Variants in KCNQ1 observed in about 807,000 individuals in gnomAD.
KCNQ1 encodes potassium voltage-gated channel subfamily Q member 1, also known as potassium voltage-gated channel subfamily KQT member 1.
Under a neutral mutation model 72.4 loss-of-function variants are expected in KCNQ1, and 49 were observed. That is an observed-to-expected ratio of 0.68 (90% CI 0.54 to 0.86). The LOEUF (loss-of-function observed/expected upper bound fraction) is 0.86. KCNQ1 is among the 40% of genes least tolerant of loss of function. The probability of loss-of-function intolerance (pLI) is 0.00; values close to 1 mark genes in which losing one functional copy is unlikely to be tolerated. For synonymous variants in KCNQ1, 450 were observed against 412.6 expected, an observed-to-expected ratio of 1.09 and a Z score of -1.10; for missense variants, 790 against 945.1, an observed-to-expected ratio of 0.84 and a Z score of 2.15.
rs377701128 is a variant in KCNQ1 at position 2,483,414 on chromosome 11, C to G, written c.386+37930C>G. ...CATCTTAATAACGGGGTGTATTGACCAAAACCGACACCTGATACATTACCG... is the reference window on the plus strand; with the variant it reads ...CATCTTAATAACGGGGTGTATTGACGAAAACCGACACCTGATACATTACCG... On this transcript the variant is annotated intron_variant, in intron 1 of 15. Transcript: ENST00000155840. The surrounding 1 kb of genome is among the most constrained non-coding windows in gnomAD (Gnocchi z 6.1). Among the ~76,000 whole-genome samples the G allele has an allele frequency of 6.6e-6, 1 of 152,082 alleles. No homozygotes were observed. The highest frequency in any genetic ancestry group is 1.5e-5 in the Non-Finnish European group (1 of 68,016).
rs893618606 is a variant in KCNQ1 at position 2,463,829 on chromosome 11, G to A, written c.386+18345G>A. ...CGGATGGCCCGGCCCCCGCTACCAC[G>A]TGGAGGCTCCCTGTAGGTGCTTGTG... is the stretch of plus-strand genomic sequence containing the variant. On this transcript the variant is annotated intron_variant, in intron 1 of 15. Transcript: ENST00000155840. This position sits in a 1 kb window ranked among gnomAD's most constrained non-coding sequence, Gnocchi z 7.0. 2.0e-5 allele frequency among the ~76,000 whole-genome samples: 3 copies of A among 152,232 alleles called. No homozygotes were observed. The highest frequency in any genetic ancestry group is 2.9e-5 in the Non-Finnish European group (2 of 68,038).
chr11:2,721,893 C>T (rs919335504), intron 11 of KCNQ1, among the ~76,000 whole-genome samples: 4 of 152,340 alleles, frequency 2.6e-5, no homozygotes, highest in Admixed American at 6.5e-5. Context: ...TGCAGGGAGA[C>T]CCCACCGTGG....
intron 1 of KCNQ1, among the ~76,000 whole-genome samples, chr11:2,502,220 A>G (rs142914590): frequency 0.019 from 2,941 of 152,286 alleles, 45 homozygotes; most frequent in South Asian, 0.054. Flanking sequence ...AGAAGAAAAT[A>G]AAGGGCATCC....
intron 11 of KCNQ1, among the ~76,000 whole-genome samples, chr11:2,736,035 G>A (rs1259447257): frequency 2.0e-5 from 3 of 152,180 alleles, no homozygotes; most frequent in African/African-American, 2.4e-5. Flanking sequence ...GGGCTCCTTG[G>A]CCCTCCAGTA....
Position 2,478,267 on chromosome 11 carries a change from G to C in KCNQ1, c.386+32783G>C, listed in dbSNP as rs1206035869. On this transcript the variant is annotated intron_variant, in intron 1 of 15. Transcript: ENST00000155840. This position sits in a 1 kb window ranked among gnomAD's most constrained non-coding sequence, Gnocchi z 4.0. ...GAAGGCTAAATAAAGTACCGTTCAG[G>C]GTGAAGGGGAAGGAAGAAATGTGAT... Among the ~76,000 whole-genome samples the C allele has an allele frequency of 6.6e-6, 1 of 152,194 alleles. No individual in the cohort carries two copies. Among genetic ancestry groups the C allele is most frequent in the Non-Finnish European group, 1.5e-5 (1 of 68,042 alleles).
At chr11:2,732,131 G>A (rs2283217) in intron 11 of KCNQ1, among the ~76,000 whole-genome samples, 22 of 151,786 alleles carry the variant, frequency 1.4e-4, no homozygotes, top group East Asian at 1.9e-4. Context: ...GGCCTCTGTC[G>A]ACTCCATTTG....
rs1564813056 is a variant in KCNQ1, at chr11:2,547,964, CA to C, written c.477+19947del. 6.6e-6 allele frequency among the ~76,000 whole-genome samples: 1 copy of C among 152,152 alleles called. No homozygotes were observed. Among genetic ancestry groups the C allele is most frequent in the East Asian group, 1.9e-4 (1 of 5,194 alleles). ...GTGAGGAGCCTGTAGCATTCAGAGACAGGGGAGCAGGGAGCGGTGGGGGATG... is the reference window on the plus strand; with the variant it reads ...GTGAGGAGCCTGTAGCATTCAGAGACGGGGAGCAGGGAGCGGTGGGGGATG... On this transcript the variant is annotated intron_variant, in intron 2 of 15. Transcript: ENST00000155840. This position sits in a 1 kb window ranked among gnomAD's most constrained non-coding sequence, Gnocchi z 4.2.
intron 2 of KCNQ1, among the ~76,000 whole-genome samples, chr11:2,561,560 C>T (rs1007202705): frequency 6.6e-6 from 1 of 152,242 alleles, no homozygotes; most frequent in Non-Finnish European, 1.5e-5. Flanking sequence ...CCCCATTTTA[C>T]AGGTGTGGAT....
rs1229070850 is a variant in KCNQ1, at chr11:2,724,422, C to T, written c.1515-44422C>T. ...TCCCTGTCCCGCCAGCCCTAGGCCT[C>T]GAACCCTCCCTGGCAAGCTAACACT... On this transcript the variant is annotated intron_variant, in intron 11 of 15. Transcript: ENST00000155840. This position sits in a 1 kb window ranked among gnomAD's most constrained non-coding sequence, Gnocchi z 6.8. Among the ~76,000 whole-genome samples, 5 of 152,048 alleles carry T rather than the reference C, an allele frequency of 3.3e-5. No individual in the cohort carries two copies. The East Asian group carries it at 5.8e-4, about 18-fold the overall frequency.
Position 2,620,641 on chromosome 11 carries a change from TG to T in KCNQ1, c.1393+31788del. The stretch of plus-strand genomic sequence containing the variant: ...GTCTTTGCTGTTGTGAATAGTGCTG[TG>T]ATGAACATACAAATGCATGTGTCTT... On this transcript the variant is annotated intron_variant, in intron 10 of 15. Transcript: ENST00000155840. This position sits in a 1 kb window ranked among gnomAD's most constrained non-coding sequence, Gnocchi z 4.5. The T allele has an allele frequency of 2.5e-6, 1 of 398,230 alleles. No homozygotes were observed. Among genetic ancestry groups the T allele is most frequent in the Non-Finnish European group, 4.4e-6 (1 of 226,008 alleles). 24.7% of individuals were successfully genotyped at this position (398,230 alleles called of 1,614,324 possible). A position where few individuals can be genotyped will look rare whatever the true frequency, so the allele number is the denominator to read the frequency against.
chr11:2,517,598 G>A (rs868534104), intron 1 of KCNQ1, among the ~76,000 whole-genome samples: 3 of 152,210 alleles, frequency 2.0e-5, no homozygotes, highest in Admixed American at 6.5e-5. Context: ...AACCAGGTGG[G>A]ATGGCAGGGT....
At chr11:2,453,099 T>G (rs1565026284) in intron 1 of KCNQ1, among the ~76,000 whole-genome samples, 2 of 152,198 alleles carry the variant, frequency 1.3e-5, no homozygotes. Flanking sequence ...CTTGGCTGGG[T>G]GCGGTGGCTC....
chr11:2,497,578 C>T lies in KCNQ1; in HGVS notation c.387-30350C>T, dbSNP rs1846943740. Among the ~76,000 whole-genome samples the T allele has an allele frequency of 6.6e-6, 1 of 152,116 alleles. No individual in the cohort carries two copies. Among genetic ancestry groups the T allele is most frequent in the Non-Finnish European group, 1.5e-5 (1 of 68,030 alleles). On this transcript the variant is annotated intron_variant, in intron 1 of 15. Transcript: ENST00000155840. This position sits in a 1 kb window ranked among gnomAD's most constrained non-coding sequence, Gnocchi z 4.5. ...GTTAGCAGTTCCTGTAACCTTTTAT[C>T]AGGTTCTTAGCTTCCTTGCATTGGG...
Position 2,759,139 on chromosome 11 carries a change from T to G in KCNQ1, c.1515-9705T>G. Among the ~76,000 whole-genome samples the G allele has an allele frequency of 1.3e-5, 2 of 148,524 alleles. No homozygotes were observed. The highest frequency in any genetic ancestry group is 5.0e-5 in the African/African-American group (2 of 40,004). ...TTTTTTTTTCCCAACTTCCTAGGAG[T>G]CTATAATTGTTTCAAAATAAAAAGA... is the stretch of plus-strand genomic sequence containing the variant. On this transcript the variant is annotated intron_variant, in intron 11 of 15. Coordinates refer to ENST00000155840, the MANE Select transcript of KCNQ1 (RefSeq NM_000218.3). This position sits in a 1 kb window ranked among gnomAD's most constrained non-coding sequence, Gnocchi z 4.4.
Position 2,715,709 on chromosome 11 carries a change from C to T in KCNQ1, c.1515-53135C>T, listed in dbSNP as rs549347986. On this transcript the variant is annotated intron_variant, in intron 11 of 15. Coordinates refer to ENST00000155840, the MANE Select transcript of KCNQ1 (RefSeq NM_000218.3). This position sits in a 1 kb window ranked among gnomAD's most constrained non-coding sequence, Gnocchi z 4.9. ...GAACCAGCAAAGGGGGTATGGGGAG[C>T]CCTCTGGGGCACCCTCATATCACAC... is the stretch of plus-strand genomic sequence containing the variant. 3.9e-5 allele frequency among the ~76,000 whole-genome samples: 6 copies of T among 152,326 alleles called. No homozygotes were observed. In the South Asian group the frequency reaches 1.2e-3, roughly 32 times the overall value.
At chr11:2,706,146 G>A (rs1850908316) in intron 11 of KCNQ1, among the ~76,000 whole-genome samples, 1 of 152,252 alleles carries the variant, frequency 6.6e-6, no homozygotes, top group Non-Finnish European at 1.5e-5. Flanking sequence ...TCTTCCGGAA[G>A]TGGCACTTAA....
intron 11 of KCNQ1, among the ~76,000 whole-genome samples, chr11:2,709,868 TTTTA>T (rs1410466893): frequency 1.3e-5 from 2 of 152,252 alleles, no homozygotes; most frequent in Non-Finnish European, 2.9e-5. Context: ...TATTATCACA[TTTTA>T]TTTATCCATT....
At chr11:2,530,811 TTGTG>T (rs1277571324) in intron 2 of KCNQ1, among the ~76,000 whole-genome samples, 1 of 152,166 alleles carries the variant, frequency 6.6e-6, no homozygotes, top group Non-Finnish European at 1.5e-5. Context: ...CATGGCTGTG[TTGTG>T]TGTATTTATG....
At chr11:2,706,625 T>G (rs1037794759) in intron 11 of KCNQ1, among the ~76,000 whole-genome samples, 3 of 152,256 alleles carry the variant, frequency 2.0e-5, no homozygotes, top group Non-Finnish European at 1.5e-5. Context: ...CCAGGCTTAG[T>G]CTGACCCTTG....
Sources: allele counts gnomAD v4.1 joint callset (sites outside exome capture counted in the v4.1 genomes callset), GRCh38; gene constraint gnomAD v4.1.1; non-coding constraint Gnocchi (gnomAD v3.1); transcripts MANE v1.5; gene names NCBI Gene and HGNC (gene_info 2026-07-23, HGNC 2026-07-21).